Variants in EFNA4 observed in about 807,000 individuals in gnomAD.
The protein encoded by EFNA4 is ephrin A4.
A neutral mutation model predicts 23.7 loss-of-function variants in EFNA4; 22 were observed. The ratio of observed to expected loss-of-function variants is 0.93; its 90% CI spans 0.66 to 1.32. EFNA4 has a LOEUF of 1.32. EFNA4 is among the 40% of genes most tolerant of loss of function. The pLI is 0.00. For synonymous variants in EFNA4, 113 were observed against 108.3 expected (o/e 1.04, Z -0.27); for missense variants, 252 against 252.3 (o/e 1.00, Z 0.01).
chr1:155,064,678 C>T (rs1025152060), intron 1 of EFNA4, among the ~76,000 whole-genome samples: 2 of 152,178 alleles, frequency 1.3e-5, no homozygotes, highest in Non-Finnish European at 2.9e-5. Flanking sequence ...TTTCCATCCC[C>T]CTCCCCAAGT....
chr1:155,064,850 A>G (rs1662966746), intron 1 of EFNA4, among the ~76,000 whole-genome samples: 1 of 152,176 alleles, frequency 6.6e-6, no homozygotes, highest in Admixed American at 6.5e-5. Flanking sequence ...TATAGATGAG[A>G]AGATCAAGAC....
At chr1:155,064,563 A>C (rs1240943883) in intron 1 of EFNA4, among the ~76,000 whole-genome samples, 1 of 152,190 alleles carries the variant, frequency 6.6e-6, no homozygotes. Context: ...CTGGCAGGGT[A>C]AGTGAGGTCA....
chr1:155,063,784 C>T lies in EFNA4; in HGVS notation c.-40C>T, dbSNP rs1358327937. ...TTCTCTCCTCGACTGTGAAGCGGGC[C>T]GGGACCTGCCAGGCCAGACCAAACC... On this transcript the variant is annotated 5_prime_UTR_variant, in exon 1 of 4. Transcript: ENST00000368409. This position sits in a 1 kb window ranked among gnomAD's most constrained non-coding sequence, Gnocchi z 4.1. 2 of 1,477,632 alleles carry T rather than the reference C, an allele frequency of 1.4e-6. No homozygotes were observed. Among genetic ancestry groups the T allele is most frequent in the Non-Finnish European group, 9.0e-7 (1 of 1,112,094 alleles). The allele number at this position is 1,477,632 out of a possible 1,614,324, so 91.5% of individuals were successfully genotyped here.
Position 155,063,843 on chromosome 1 carries a change from T to C in EFNA4, c.20T>C (p.Leu7Pro). Residue 7 changes from leucine (L) to proline (P), a missense_variant, in exon 1 of 4, where the codon CTG becomes CCG. Physicochemically the swap from Leu to Pro is moderately conservative, Grantham distance 98 (BLOSUM62 -3). Coordinates refer to ENST00000368409, the MANE Select transcript of EFNA4 (RefSeq NM_005227.3). The surrounding 1 kb of genome is among the most constrained non-coding windows in gnomAD (Gnocchi z 4.1). Reference protein sequence around the residue: MRLLPLLRTVLWAAFLG... With the variant: MRLLPLPRTVLWAAFLG... ...GGGGCGATGCGGCTGCTGCCCCTGCTGCGGACTGTCCTCTGGGCCGCGTTC... is the reference window on the plus strand; with the variant it reads ...GGGGCGATGCGGCTGCTGCCCCTGCCGCGGACTGTCCTCTGGGCCGCGTTC... 6.5e-7 allele frequency: 1 copy of C among 1,545,574 alleles called. No homozygotes were observed. Among genetic ancestry groups the C allele is most frequent in the Non-Finnish European group, 8.7e-7 (1 of 1,146,480 alleles).
chr1:155,066,615 C>A (rs557681401), intron 1 of EFNA4, 115 bp from the exon 2 acceptor site: 2 of 1,324,840 alleles, frequency 1.5e-6, no homozygotes, highest in Non-Finnish European at 2.0e-6. Flanking sequence ...GCTGCTCCAT[C>A]GCACATGGGT....
rs755453194 is a variant in EFNA4, at chr1:155,068,918, G to T, written c.535G>T (p.Asp179Tyr). 2 of 1,614,056 alleles carry T rather than the reference G, an allele frequency of 1.2e-6. No individual in the cohort carries two copies. Among genetic ancestry groups the T allele is most frequent in the East Asian group, 4.5e-5 (2 of 44,872 alleles). Residue 179 changes from aspartate (D) to tyrosine (Y), a missense_variant, in exon 4 of 4, where the codon GAC becomes TAC. Transcript: ENST00000368409. ...ESGTSGWRGG[D>Y]TPSPLCLLLL... ...TGGCACATCAGGGTGGCGAGGGGGGGACACTCCCAGCCCCCTCTGTCTCTT... is the reference window on the plus strand; with the variant it reads ...TGGCACATCAGGGTGGCGAGGGGGGTACACTCCCAGCCCCCTCTGTCTCTT...
Position 155,063,756 on chromosome 1 carries a change from C to G in EFNA4, c.-68C>G. ...CCGCAACTTCCCTCTTCACTTTGTA[C>G]CTTTCTCTCCTCGACTGTGAAGCGG... On this transcript the variant is annotated 5_prime_UTR_variant, in exon 1 of 4. Transcript: ENST00000368409. This position sits in a 1 kb window ranked among gnomAD's most constrained non-coding sequence, Gnocchi z 4.1. 12 of 1,368,180 alleles carry G rather than the reference C, an allele frequency of 8.8e-6. No individual in the cohort carries two copies. The highest frequency in any genetic ancestry group is 1.2e-5 in the Non-Finnish European group (12 of 1,029,828). The allele number at this position is 1,368,180 out of a possible 1,614,324, so 84.8% of individuals were successfully genotyped here.
chr1:155,069,165 A>G lies in EFNA4; in HGVS notation c.*176A>G. ...TCTTGCAGGAGCCTGTCCCCTCATCACAGGCTAAAGAAGAGCAGTAGACAG... is the reference window on the plus strand; with the variant it reads ...TCTTGCAGGAGCCTGTCCCCTCATCGCAGGCTAAAGAAGAGCAGTAGACAG... On this transcript the variant is annotated 3_prime_UTR_variant, in exon 4 of 4. Transcript: ENST00000368409. The G allele has an allele frequency of 6.2e-7, 1 of 1,606,832 alleles. No individual in the cohort carries two copies. Among genetic ancestry groups the G allele is most frequent in the South Asian group, 1.1e-5 (1 of 90,214 alleles).
intron 1 of EFNA4, among the ~76,000 whole-genome samples, chr1:155,065,856 C>T (rs1640118126): frequency 6.6e-6 from 1 of 152,030 alleles, no homozygotes; most frequent in African/African-American, 2.4e-5. Flanking sequence ...CCTCAACCTC[C>T]CAAGTAGCTG....
chr1:155,068,699 G>T (rs1387149663), intron 3 of EFNA4, among the ~76,000 whole-genome samples, 154 bp from the exon 4 acceptor site: 3 of 151,946 alleles, frequency 2.0e-5, no homozygotes, highest in Admixed American at 6.6e-5. Flanking sequence ...TGGAAGTTGG[G>T]GCTTAGAAAG....
intron 3 of EFNA4, among the ~76,000 whole-genome samples, chr1:155,068,363 G>A (rs1663100330): frequency 6.9e-6 from 1 of 145,118 alleles, no homozygotes; most frequent in African/African-American, 2.6e-5. Context: ...CCTCCTGGGT[G>A]CAAGCAATTC....
chr1:155,067,351 T>G (rs1287108136), intron 2 of EFNA4, 21 bp from the exon 3 acceptor site: 3 of 1,613,972 alleles, frequency 1.9e-6, no homozygotes, highest in Admixed American at 1.7e-5. Context: ...GCTAACTTTT[T>G]CCCACTTTCC....
At position 155,068,981 on chromosome 1, in the gene EFNA4, AT is replaced by A. The variant is rs748031667; in HGVS notation, c.600del (p.Leu201CysfsTer63). 1.3e-5 allele frequency: 21 copies of A among 1,613,738 alleles called. No individual in the cohort carries two copies. The highest frequency in any genetic ancestry group is 1.8e-5 in the Non-Finnish European group (21 of 1,179,882). Reference protein sequence around the residue: ...LLLLILRLLRIL With the variant: ...LLLLILRLLRXL Reference sequence around the variant, plus strand: ...GCTTCTGATTCTTCGTCTTCTGCGAATTCTGTGAGCCAAGCAGACCTTCCCT... The same window carrying A: ...GCTTCTGATTCTTCGTCTTCTGCGAATCTGTGAGCCAAGCAGACCTTCCCT... On this transcript the variant is annotated frameshift_variant, in exon 4 of 4. Coordinates refer to ENST00000368409, the MANE Select transcript of EFNA4 (RefSeq NM_005227.3). LOFTEE classifies it high-confidence loss of function.
chr1:155,066,476 C>G (rs1295926038), intron 1 of EFNA4, among the ~76,000 whole-genome samples: 4 of 152,224 alleles, frequency 2.6e-5, no homozygotes, highest in Non-Finnish European at 5.9e-5. Flanking sequence ...CTTCTCACAT[C>G]TAAGCTGTGT....
At chr1:155,066,613 A>G (rs1309786452) in intron 1 of EFNA4, 117 bp from the exon 2 acceptor site, 3 of 1,307,692 alleles carry the variant, frequency 2.3e-6, no homozygotes, top group African/African-American at 1.5e-5. Flanking sequence ...GAGCTGCTCC[A>G]TCGCACATGG....
Position 155,067,477 on chromosome 1 carries a change from G to C in EFNA4, c.469+37G>C, listed in dbSNP as rs764099350. ...GGGAGCATGGACCCTACTGGCTAAT[G>C]TGGGGCCTTGGGAAGGAGGGAAGGA... On this transcript the variant is annotated intron_variant, in intron 3 of 3. Coordinates refer to ENST00000368409, the MANE Select transcript of EFNA4 (RefSeq NM_005227.3). 2.0e-5 allele frequency: 33 copies of C among 1,610,510 alleles called. No individual in the cohort carries two copies. In the Middle Eastern group the frequency reaches 4.9e-4, roughly 24 times the overall value.
chr1:155,068,986 G>T lies in EFNA4; in HGVS notation c.603G>T (p.Leu201=), dbSNP rs753295258. The change falls in exon 4 of 4, where the codon CTG becomes CTT. Residue 201 remains leucine (L), a synonymous_variant. Coordinates refer to ENST00000368409, the MANE Select transcript of EFNA4 (RefSeq NM_005227.3). ...TGATTCTTCGTCTTCTGCGAATTCT[G>T]TGAGCCAAGCAGACCTTCCCTCTCA... The part of the protein sequence containing the change: ...LLLILRLLRI[L] 3 of 1,613,812 alleles carry T rather than the reference G, an allele frequency of 1.9e-6. No homozygotes were observed. Among genetic ancestry groups the T allele is most frequent in the Non-Finnish European group, 2.5e-6 (3 of 1,179,902 alleles).
chr1:155,066,714 T>C lies in EFNA4; in HGVS notation c.114-16T>C. ...TGCCCTCCACTCCTCAGCCCACCCCTGCGTTATGCCTGCAGGTTGCTTCGA... is the reference window on the plus strand; with the variant it reads ...TGCCCTCCACTCCTCAGCCCACCCCCGCGTTATGCCTGCAGGTTGCTTCGA... On this transcript the variant is annotated splice_polypyrimidine_tract_variant and intron_variant, in intron 1 of 3. Transcript: ENST00000368409. 2 of 1,565,828 alleles carry C rather than the reference T, an allele frequency of 1.3e-6. No homozygotes were observed. Among genetic ancestry groups the C allele is most frequent in the South Asian group, 1.2e-5 (1 of 82,618 alleles).
chr1:155,063,799 C>G lies in EFNA4; in HGVS notation c.-25C>G, dbSNP rs988198140. 5.3e-6 allele frequency: 8 copies of G among 1,508,320 alleles called. No homozygotes were observed. The East Asian group carries it at 2.2e-4, about 42-fold the overall frequency. 93.4% of individuals were successfully genotyped at this position (1,508,320 alleles called of 1,614,324 possible). A position where few individuals can be genotyped will look rare whatever the true frequency, so the allele number is the denominator to read the frequency against. On this transcript the variant is annotated 5_prime_UTR_variant, in exon 1 of 4. Transcript: ENST00000368409. This position sits in a 1 kb window ranked among gnomAD's most constrained non-coding sequence, Gnocchi z 4.1. ...TGAAGCGGGCCGGGACCTGCCAGGC[C>G]AGACCAAACCGGACCTCGGGGGCGA...
Sources: gnomAD v4.1 joint callset for allele counts (sites outside exome capture counted in the v4.1 genomes callset) on GRCh38, gnomAD v4.1.1 for gene constraint, Gnocchi (gnomAD v3.1) non-coding constraint, MANE v1.5 for transcripts, NCBI Gene and HGNC (gene_info 2026-07-23, HGNC 2026-07-21) for gene names.